Variants in ADAM28 observed in about 807,000 individuals in gnomAD.
ADAM28 encodes ADAM metallopeptidase domain 28, also known as disintegrin and metalloproteinase domain-containing protein 28.
A neutral mutation model predicts 101.2 loss-of-function variants in ADAM28; 105 were observed. The ratio of observed to expected loss-of-function variants is 1.04; its 90% CI spans 0.89 to 1.22. ADAM28 has a LOEUF of 1.22. ADAM28 is among the 50% of genes most tolerant of loss of function. The pLI, the probability that ADAM28 is intolerant of heterozygous loss-of-function variation, is 0.00. For missense variants in ADAM28, 1,028 were observed against 945.4 expected (o/e 1.09, Z -1.15); for synonymous variants, 322 against 310.6 (o/e 1.04, Z -0.39).
intron 14 of ADAM28, among the ~76,000 whole-genome samples, chr8:24,337,619 CTT>C (rs1423709663): frequency 6.6e-6 from 1 of 152,112 alleles, no homozygotes; most frequent in East Asian, 1.9e-4. Context: ...GAGTAGACCT[CTT>C]AAGTCATACA....
At chr8:24,337,495 T>A (rs993749051) in intron 14 of ADAM28, among the ~76,000 whole-genome samples, 1 of 152,256 alleles carries the variant, frequency 6.6e-6, no homozygotes, top group African/African-American at 2.4e-5. Flanking sequence ...GGACATTGTC[T>A]ACATTGTTCA....
chr8:24,309,010 GA>G (rs1335745739), intron 2 of ADAM28, among the ~76,000 whole-genome samples: 1 of 152,070 alleles, frequency 6.6e-6, no homozygotes, highest in African/African-American at 2.4e-5. Context: ...TGACAATAAC[GA>G]GGCACTTCCT....
chr8:24,308,801 C>G (rs1810044656), intron 2 of ADAM28: 2 of 431,754 alleles, frequency 4.6e-6, no homozygotes, highest in Admixed American at 2.5e-5. Context: ...TTGGAGAGGG[C>G]TAAATCCCAG....
At chr8:24,309,787 A>C (rs1810200404) in intron 2 of ADAM28, 107 bp from the exon 3 acceptor site, 2 of 826,882 alleles carry the variant, frequency 2.4e-6, no homozygotes, top group Non-Finnish European at 3.9e-6. Context: ...ATTTGGTATT[A>C]TACTGCTAAA....
chr8:24,317,797 T>C (rs975520545), intron 6 of ADAM28, among the ~76,000 whole-genome samples: 8 of 151,800 alleles, frequency 5.3e-5, no homozygotes, highest in African/African-American at 1.9e-4. Context: ...AATAAAACAG[T>C]GGTTACCAGG....
chr8:24,320,165 A>C, intron 6 of ADAM28, 71 bp from the exon 7 acceptor site: 2 of 1,116,710 alleles, frequency 1.8e-6, no homozygotes, highest in Non-Finnish European at 2.7e-6. Context: ...ATAAAATTAC[A>C]GATGTCAAAT....
intron 14 of ADAM28, among the ~76,000 whole-genome samples, chr8:24,337,093 A>T (rs1280639875): frequency 2.0e-5 from 3 of 152,230 alleles, no homozygotes; most frequent in Non-Finnish European, 2.9e-5. Context: ...AGACCCTAGA[A>T]AAACCTCCCT....
chr8:24,311,469 G>T, intron 5 of ADAM28, 32 bp downstream of exon 5: 1 of 1,569,248 alleles, frequency 6.4e-7, no homozygotes, highest in African/African-American at 1.4e-5. Context: ...GCATGTACCT[G>T]TGATTGTGGT....
Position 24,335,512 on chromosome 8 carries a change from G to A in ADAM28, c.1438G>A (p.Gly480Ser). Reference protein sequence around the residue: ...DECDLPEMCNGKSGNCPDDRF... With the variant: ...DECDLPEMCNSKSGNCPDDRF... ...GTGCGACCTGCCTGAAATGTGTAAT[G>A]GTAAATCTGGTAATTGTCCTGATGA... Residue 480 changes from glycine (G) to serine (S), a missense_variant, in exon 14 of 23, where the codon GGT (glycine) becomes AGT (serine). Coordinates refer to ENST00000265769, the MANE Select transcript of ADAM28 (RefSeq NM_014265.6). 1 of 1,614,148 alleles carries A rather than the reference G, an allele frequency of 6.2e-7. No individual in the cohort carries two copies. The highest frequency in any genetic ancestry group is 1.1e-5 in the South Asian group (1 of 91,080).
intron 1 of ADAM28, among the ~76,000 whole-genome samples, chr8:24,299,286 T>C (rs181718608): frequency 5.9e-5 from 9 of 152,310 alleles, no homozygotes; most frequent in Middle Eastern, 3.4e-3. Context: ...CAGTTCTCTT[T>C]CAATATGACT....
chr8:24,335,857 A>G (rs558608141), intron 14 of ADAM28: 1 of 1,240,184 alleles, frequency 8.1e-7, no homozygotes, highest in African/African-American at 1.5e-5. Flanking sequence ...ACTTAAAATT[A>G]ACAAGTTTTT....
At chr8:24,300,863 T>G (rs1808661202) in intron 2 of ADAM28, 1 of 152,178 alleles carries the variant, frequency 6.6e-6, no homozygotes, top group Non-Finnish European at 1.5e-5. Context: ...CATGTATATA[T>G]GCACATTAAC....
chr8:24,343,800 C>T (rs1815083329), intron 18 of ADAM28, among the ~76,000 whole-genome samples: 1 of 152,152 alleles, frequency 6.6e-6, no homozygotes, highest in South Asian at 2.1e-4. Flanking sequence ...AAAATTTCCT[C>T]AACCTTTATA....
At chr8:24,334,182 T>C (rs904818266) in intron 13 of ADAM28, among the ~76,000 whole-genome samples, 1 of 152,208 alleles carries the variant, frequency 6.6e-6, no homozygotes, top group African/African-American at 2.4e-5. Context: ...ATATGAAACA[T>C]ATGAAAATAT....
chr8:24,328,484 A>T (rs1511348), intron 10 of ADAM28, among the ~76,000 whole-genome samples: 395 of 152,122 alleles, frequency 2.6e-3, no homozygotes, highest in African/African-American at 8.2e-3. Context: ...CATATTTTCA[A>T]ACTTGAAATA....
intron 15 of ADAM28, chr8:24,341,317 A>G: frequency 3.3e-6 from 1 of 300,322 alleles, no homozygotes; most frequent in Non-Finnish European, 6.1e-6. Context: ...ACCTTCTAGA[A>G]TTTGTGCTTA....
At position 24,355,916 on chromosome 8, in the gene ADAM28, G is replaced by GT. The variant is rs1229169188; in HGVS notation, c.*1517dup. 1.3e-5 allele frequency: 2 copies of GT among 152,260 alleles called. No homozygotes were observed. Among genetic ancestry groups the GT allele is most frequent in the East Asian group, 3.9e-4 (2 of 5,170 alleles). 9.4% of individuals were successfully genotyped at this position (152,260 alleles called of 1,614,324 possible). ...GCTTTAGTTCATCATCACAGCTACA[G>GT]TTTTTCTTGTATTTGTCTGCTTCAC... On this transcript the variant is annotated 3_prime_UTR_variant, in exon 23 of 23. Transcript: ENST00000265769.
chr8:24,336,146 T>C, intron 14 of ADAM28: 1 of 985,236 alleles, frequency 1.0e-6, no homozygotes. Flanking sequence ...AGAAAGCCAA[T>C]AAAGAAAAGT....
chr8:24,309,462 C>T (rs1810145197), intron 2 of ADAM28, among the ~76,000 whole-genome samples: 1 of 152,136 alleles, frequency 6.6e-6, no homozygotes, highest in African/African-American at 2.4e-5. Context: ...CTCAAAAAAG[C>T]CTTTCCTGGC....
Sources: gnomAD v4.1 joint callset for allele counts (sites outside exome capture counted in the v4.1 genomes callset) on GRCh38, gnomAD v4.1.1 for gene constraint, MANE v1.5 for transcripts, NCBI Gene and HGNC (gene_info 2026-07-23, HGNC 2026-07-21) for gene names.